The following SND1 variants were observed in gnomAD, a reference collection of about 807,000 sequenced individuals.
The protein encoded by SND1 is staphylococcal nuclease domain-containing protein 1.
A neutral mutation model predicts 121.7 loss-of-function variants in SND1; 38 were observed. That is an observed-to-expected ratio of 0.31 (90% CI 0.24 to 0.41). The LOEUF (loss-of-function observed/expected upper bound fraction) is 0.41, where lower values mean the gene tolerates loss of function less well. Among genes scored for constraint, SND1 ranks in the 10% least tolerant of loss-of-function variants. The pLI is 1.00. For synonymous variants in SND1, 401 were observed against 447.4 expected (o/e 0.90, Z 1.31); for missense variants, 868 against 1,184.6 (o/e 0.73, Z 3.92).
intron 14 of SND1, among the ~76,000 whole-genome samples, chr7:127,913,335 A>G (rs1800500130): frequency 6.6e-6 from 1 of 152,166 alleles, no homozygotes; most frequent in Non-Finnish European, 1.5e-5. Flanking sequence ...AGTGCATGCA[A>G]ATGCACTCAG....
At chr7:127,668,548 A>AT (rs1386893367) in intron 1 of SND1, among the ~76,000 whole-genome samples, 4 of 152,164 alleles carry the variant, frequency 2.6e-5, no homozygotes, top group South Asian at 2.1e-4. Flanking sequence ...AAAAATAAGT[A>AT]TTTTTTTGGA....
intron 20 of SND1, 198 bp from the exon 21 acceptor site, chr7:128,086,740 G>T: frequency 1.6e-6 from 1 of 621,378 alleles, no homozygotes; most frequent in Non-Finnish European, 2.9e-6. Flanking sequence ...CCCATCTACT[G>T]CTGGACCAGC....
chr7:127,883,590 G>A (rs1440137430), intron 12 of SND1, among the ~76,000 whole-genome samples: 1 of 152,088 alleles, frequency 6.6e-6, no homozygotes, highest in Non-Finnish European at 1.5e-5. Flanking sequence ...TTTCTATGAG[G>A]CAGGACATTT....
chr7:127,776,421 G>A (rs11765620), intron 10 of SND1, among the ~76,000 whole-genome samples: 27,997 of 151,972 alleles, frequency 0.18, 2,776 homozygotes, highest in African/African-American at 0.26. Context: ...ATGTAAAATG[G>A]TGTGTAACAT....
At chr7:127,662,451 G>A (rs1046888383) in intron 1 of SND1, among the ~76,000 whole-genome samples, 6 of 152,024 alleles carry the variant, frequency 3.9e-5, no homozygotes, top group Admixed American at 3.3e-4. Context: ...AAGCACTATT[G>A]CACTGATTGA....
At chr7:127,661,850 C>T (rs994059576) in intron 1 of SND1, among the ~76,000 whole-genome samples, 8 of 151,856 alleles carry the variant, frequency 5.3e-5, no homozygotes, top group Non-Finnish European at 1.0e-4. Context: ...GCATGGTGGC[C>T]CACGCCTGTA....
At chr7:127,944,418 C>G (rs971743471) in intron 15 of SND1, among the ~76,000 whole-genome samples, 1 of 152,186 alleles carries the variant, frequency 6.6e-6, no homozygotes, top group East Asian at 1.9e-4. Flanking sequence ...ACTCTGTATG[C>G]TTTCCTTCAG....
At chr7:127,773,440 A>G (rs1584562277) in intron 10 of SND1, among the ~76,000 whole-genome samples, 1 of 151,894 alleles carries the variant, frequency 6.6e-6, no homozygotes, top group East Asian at 1.9e-4. Flanking sequence ...TGACACAGCA[A>G]GACTCCGTCT....
chr7:127,887,892 T>G lies in SND1; in HGVS notation c.1344-10T>G, dbSNP rs1417578955. The G allele has an allele frequency of 6.2e-7, 1 of 1,601,618 alleles. No individual in the cohort carries two copies. The highest frequency in any genetic ancestry group is 1.7e-5 in the Admixed American group (1 of 59,826). On this transcript the variant is annotated splice_polypyrimidine_tract_variant and intron_variant, in intron 12 of 23. Transcript: ENST00000354725. ...TTCTAGTGCTCACTGACCTATCTTT[T>G]CTGTTGCAGAAACATTGCTGAGGCT...
At chr7:127,695,706 G>T (rs372952612) in intron 3 of SND1, among the ~76,000 whole-genome samples, 1 of 152,166 alleles carries the variant, frequency 6.6e-6, no homozygotes. Flanking sequence ...CACGCCTGTA[G>T]TCGTAGCTAC....
At chr7:128,044,753 C>T (rs1249811627) in intron 16 of SND1, among the ~76,000 whole-genome samples, 1 of 151,660 alleles carries the variant, frequency 6.6e-6, no homozygotes, top group African/African-American at 2.4e-5. Flanking sequence ...TGCTCTCATC[C>T]CTGGAGGTGT....
At chr7:128,018,749 C>G (rs941037603) in intron 16 of SND1, among the ~76,000 whole-genome samples, 2 of 152,210 alleles carry the variant, frequency 1.3e-5, no homozygotes, top group African/African-American at 4.8e-5. Context: ...CTCCCTACCC[C>G]CTACTCAAGA....
At chr7:127,982,005 T>C (rs1007078301) in intron 15 of SND1, among the ~76,000 whole-genome samples, 2 of 152,206 alleles carry the variant, frequency 1.3e-5, no homozygotes, top group Admixed American at 1.3e-4. Flanking sequence ...AACTGAATTA[T>C]TGAGCATCTT....
At position 128,029,248 on chromosome 7, in the gene SND1, A is replaced by C; in HGVS notation, c.1779+38192A>C. The C allele has an allele frequency of 1.2e-6, 2 of 1,614,088 alleles. No homozygotes were observed. The highest frequency in any genetic ancestry group is 1.7e-6 in the Non-Finnish European group (2 of 1,180,022). Reference sequence around the variant, plus strand: ...TACTTTCGCGTTGTGTCCTCAGGCGAGATCTCCGTGGTCTCCACTGTTACT... The same window carrying C: ...TACTTTCGCGTTGTGTCCTCAGGCGCGATCTCCGTGGTCTCCACTGTTACT... On this transcript the variant is annotated intron_variant, in intron 16 of 23. Coordinates refer to ENST00000354725, the MANE Select transcript of SND1 (RefSeq NM_014390.4). This position sits in a 1 kb window ranked among gnomAD's most constrained non-coding sequence, Gnocchi z 4.2.
intron 12 of SND1, among the ~76,000 whole-genome samples, chr7:127,855,999 G>A (rs1489132795): frequency 6.6e-6 from 1 of 152,114 alleles, no homozygotes; most frequent in African/African-American, 2.4e-5. Context: ...GAGGCACTTT[G>A]GTTTGTATTA....
chr7:127,774,843 T>C (rs1228135828), intron 10 of SND1, among the ~76,000 whole-genome samples: 3 of 152,222 alleles, frequency 2.0e-5, no homozygotes, highest in African/African-American at 7.2e-5. Context: ...CCTCCCAAAG[T>C]GCTGGGATTA....
chr7:127,727,767 G>A (rs962194279), intron 10 of SND1, among the ~76,000 whole-genome samples: 13 of 152,128 alleles, frequency 8.5e-5, no homozygotes, highest in South Asian at 4.1e-4. Context: ...CATTCTGTAC[G>A]AGTTTCAAAT....
chr7:127,680,653 T>C (rs190520127), intron 1 of SND1, among the ~76,000 whole-genome samples: 48 of 151,972 alleles, frequency 3.2e-4, no homozygotes, highest in Non-Finnish European at 6.0e-4. Context: ...GTTGCTGTTA[T>C]CCTGTTCTTT....
chr7:127,696,424 C>T (rs2116328396), intron 3 of SND1, among the ~76,000 whole-genome samples: 1 of 152,176 alleles, frequency 6.6e-6, no homozygotes, highest in African/African-American at 2.4e-5. Context: ...TGCTTTTTAC[C>T]CGTAATTCTT....
Sources: gnomAD v4.1 joint callset for allele counts (sites outside exome capture counted in the v4.1 genomes callset) on GRCh38, gnomAD v4.1.1 for gene constraint, Gnocchi (gnomAD v3.1) non-coding constraint, MANE v1.5 for transcripts, NCBI Gene and HGNC (gene_info 2026-07-23, HGNC 2026-07-21) for gene names.